Variants in CEP85L observed in about 807,000 individuals in gnomAD.
The protein encoded by CEP85L is centrosomal protein of 85 kDa-like.
In CEP85L, 60 loss-of-function variants were observed where a neutral mutation model predicts 100.3. That is an observed-to-expected ratio of 0.60 (90% CI 0.49 to 0.74). CEP85L has a LOEUF of 0.74. Among genes scored for constraint, CEP85L ranks in the 30% least tolerant of loss-of-function variants. The probability of loss-of-function intolerance (pLI) is 0.00; values close to 1 mark genes in which losing one functional copy is unlikely to be tolerated. For missense variants in CEP85L, 973 were observed against 936.2 expected (o/e 1.04, Z -0.51); for synonymous variants, 319 against 322.7 (o/e 0.99, Z 0.12).
intron 1 of CEP85L, among the ~76,000 whole-genome samples, chr6:118,663,874 G>A (rs1174711878): frequency 2.0e-5 from 3 of 149,256 alleles, no homozygotes; most frequent in South Asian, 2.1e-4. Flanking sequence ...TAGCTGTTAT[G>A]TTGTTTTTTT....
At chr6:118,498,323 C>T (rs1309665502) in intron 5 of CEP85L, among the ~76,000 whole-genome samples, 1 of 151,606 alleles carries the variant, frequency 6.6e-6, no homozygotes, top group Non-Finnish European at 1.5e-5. Flanking sequence ...GTGAGACCCC[C>T]ATATCTACAA....
upstream of CEP85L, chr6:118,651,789 C>G (rs1583228615): frequency 2.1e-6 from 2 of 971,718 alleles, no homozygotes; most frequent in Non-Finnish European, 2.4e-6. Flanking sequence ...CCCGCCGCAT[C>G]CCTCTGTCTC....
intron 3 of CEP85L, chr6:118,558,865 G>A: frequency 1.4e-6 from 2 of 1,406,914 alleles, no homozygotes; most frequent in Non-Finnish European, 2.0e-6. Flanking sequence ...TTGGCTGCCA[G>A]CTTTTTATCT....
chr6:118,637,188 A>G (rs1774543719), intron 1 of CEP85L, among the ~76,000 whole-genome samples: 1 of 152,230 alleles, frequency 6.6e-6, no homozygotes, highest in African/African-American at 2.4e-5. Flanking sequence ...ATGACAGAGA[A>G]AATGGTCTAA....
intron 1 of CEP85L, among the ~76,000 whole-genome samples, chr6:118,674,165 T>G (rs1776403659): frequency 6.6e-6 from 1 of 152,222 alleles, no homozygotes; most frequent in South Asian, 2.1e-4. Flanking sequence ...AGATTGTACT[T>G]AAATAAATTG....
chr6:118,660,751 G>T (rs189069681), intron 1 of CEP85L, among the ~76,000 whole-genome samples: 1 of 152,048 alleles, frequency 6.6e-6, no homozygotes. Flanking sequence ...ATTCCACTAC[G>T]CCTGGGGCCA....
In CEP85L at chr6:118,461,597, T is replaced by C. The variant is rs1225457653; in HGVS notation, c.*3808A>G. ...TGATTTAAAACTATATTCTTATATT[T>C]AGCACTTTTTTAAATAAGAAAAAAA... On this transcript the variant is annotated 3_prime_UTR_variant, in exon 13 of 13. Coordinates refer to ENST00000368491, the MANE Select transcript of CEP85L (RefSeq NM_001042475.3). 6.6e-6 allele frequency: 1 copy of C among 152,034 alleles called. No individual in the cohort carries two copies. Among genetic ancestry groups the C allele is most frequent in the Non-Finnish European group, 1.5e-5 (1 of 67,932 alleles). The allele number at this position is 152,034 out of a possible 1,614,324, so 9.4% of individuals were successfully genotyped here.
chr6:118,502,017 T>A (rs1775337057), intron 5 of CEP85L: 1 of 831,808 alleles, frequency 1.2e-6, no homozygotes, highest in Non-Finnish European at 2.0e-6. Flanking sequence ...AGTGGGAATT[T>A]GAAAGAAGAA....
intron 1 of CEP85L, among the ~76,000 whole-genome samples, chr6:118,703,979 C>T (rs1054699707): frequency 4.6e-5 from 7 of 152,054 alleles, no homozygotes; most frequent in African/African-American, 1.7e-4. Context: ...TTTTTATACG[C>T]ATATGTGAAT....
intron 1 of CEP85L, 62 bp from the exon 2 acceptor site, chr6:118,632,673 T>TA: frequency 7.2e-7 from 1 of 1,390,866 alleles, no homozygotes; most frequent in East Asian, 2.4e-5. Flanking sequence ...ATTTTTTTTT[T>TA]ACCTTGTGGA....
intron 3 of CEP85L, among the ~76,000 whole-genome samples, chr6:118,555,828 C>T (rs562981833): frequency 2.0e-5 from 3 of 152,182 alleles, no homozygotes; most frequent in East Asian, 1.9e-4. Flanking sequence ...TAGACCCCAG[C>T]GTCTGTTGTT....
rs188518667 is a variant in CEP85L at position 118,464,243 on chromosome 6, C to A, written c.*1162G>T. The A allele has an allele frequency of 3.3e-5, 5 of 152,102 alleles. No homozygotes were observed. Among genetic ancestry groups the A allele is most frequent in the Non-Finnish European group, 5.9e-5 (4 of 67,984 alleles). 9.4% of individuals were successfully genotyped at this position (152,102 alleles called of 1,614,324 possible). A position where few individuals can be genotyped will look rare whatever the true frequency, so the allele number is the denominator to read the frequency against. ...TCATTTGGAAGTTTAAATGACTGTACGTCTACTGCAAAATCAACTGCATTT... is the reference window on the plus strand; with the variant it reads ...TCATTTGGAAGTTTAAATGACTGTAAGTCTACTGCAAAATCAACTGCATTT... On this transcript the variant is annotated 3_prime_UTR_variant, in exon 13 of 13. Coordinates refer to ENST00000368491, the MANE Select transcript of CEP85L (RefSeq NM_001042475.3).
intron 2 of CEP85L, among the ~76,000 whole-genome samples, chr6:118,598,239 C>T (rs1008364388): frequency 2.6e-5 from 4 of 152,206 alleles, no homozygotes; most frequent in South Asian, 2.1e-4. Context: ...AAGATCTCCA[C>T]GCACTTCTGA....
chr6:118,617,610 G>A (rs1056177409), intron 2 of CEP85L, among the ~76,000 whole-genome samples: 1 of 152,108 alleles, frequency 6.6e-6, no homozygotes, highest in Non-Finnish European at 1.5e-5. Flanking sequence ...AGTTTAAAAG[G>A]CAATCACCCG....
rs753195345 is a variant in CEP85L at position 118,481,870 on chromosome 6, G to T, written c.1654C>A (p.Leu552Ile). ...TGACACTGCTTTTTGATCTCTTCAA[G>T]TTTTTTTTCTGTATCTATCAAAGCC... The part of the protein sequence containing the change: ...QEALIDTEKK[L>I]EEIKKQCQDK... Residue 552 changes from leucine to isoleucine, a missense_variant, in exon 8 of 13, where the codon CTT (leucine) becomes ATT (isoleucine). Physicochemically the swap from Leu to Ile is conservative, Grantham distance 5. Coordinates refer to ENST00000368491, the MANE Select transcript of CEP85L (RefSeq NM_001042475.3). 6.9e-6 allele frequency: 11 copies of T among 1,587,842 alleles called. No homozygotes were observed. In the Admixed American group the frequency reaches 1.4e-4, roughly 20 times the overall value.
At chr6:118,569,468 T>C (rs1287555168) in intron 2 of CEP85L, among the ~76,000 whole-genome samples, 3 of 148,642 alleles carry the variant, frequency 2.0e-5, no homozygotes, top group Non-Finnish European at 4.4e-5. Context: ...AATAAAAATA[T>C]ATATTCAAAA....
At chr6:118,474,037 T>C (rs1773166367) in intron 10 of CEP85L, among the ~76,000 whole-genome samples, 2 of 152,188 alleles carry the variant, frequency 1.3e-5, no homozygotes, top group Admixed American at 1.3e-4. Context: ...GATAAAACTT[T>C]AAAAACAATC....
chr6:118,670,801 C>T (rs1776283875), intron 1 of CEP85L, among the ~76,000 whole-genome samples: 1 of 152,102 alleles, frequency 6.6e-6, no homozygotes, highest in Non-Finnish European at 1.5e-5. Flanking sequence ...TGCCTACTGA[C>T]CTTAAAATTT....
At chr6:118,592,161 A>C (rs900491889) in intron 2 of CEP85L, among the ~76,000 whole-genome samples, 1 of 152,114 alleles carries the variant, frequency 6.6e-6, no homozygotes, top group Non-Finnish European at 1.5e-5. Flanking sequence ...ATTATCCTAC[A>C]CTATATCTCT....
Sources: gnomAD v4.1 joint callset for allele counts (sites outside exome capture counted in the v4.1 genomes callset) on GRCh38, gnomAD v4.1.1 for gene constraint, MANE v1.5 for transcripts, NCBI Gene and HGNC (gene_info 2026-07-23, HGNC 2026-07-21) for gene names.